Variants in ARPIN observed in about 807,000 individuals in gnomAD.
ARPIN encodes the protein actin related protein 2/3 complex inhibitor, also known as UPF0552 protein C15orf38.
ARPIN carries 23 observed loss-of-function variants against 25.9 expected under a neutral mutation model. The ratio of observed to expected loss-of-function variants is 0.89; its 90% CI spans 0.64 to 1.26. The LOEUF is 1.26. Among genes scored for constraint, ARPIN ranks in the 50% most tolerant of loss-of-function variants. ARPIN has a pLI of 0.00. For synonymous variants in ARPIN, 126 were observed against 131.4 expected, an observed-to-expected ratio of 0.96 and a Z score of 0.28; for missense variants, 333 against 312.2, an observed-to-expected ratio of 1.07 and a Z score of -0.50.
intron 2 of ARPIN, among the ~76,000 whole-genome samples, chr15:89,908,813 C>T (rs751042580): frequency 5.3e-5 from 8 of 152,018 alleles, no homozygotes; most frequent in Admixed American, 1.3e-4. Flanking sequence ...GAAACCCTGT[C>T]TCCATCAAAA....
chr15:89,901,128 GA>G lies in ARPIN; in HGVS notation c.*666del. 1 of 152,366 alleles carries G rather than the reference GA, an allele frequency of 6.6e-6. No homozygotes were observed. The highest frequency in any genetic ancestry group is 1.9e-4 in the East Asian group (1 of 5,204). 9.4% of individuals were successfully genotyped at this position (152,366 alleles called of 1,614,324 possible). On this transcript the variant is annotated 3_prime_UTR_variant, in exon 6 of 6. Coordinates refer to ENST00000357484, the MANE Select transcript of ARPIN (RefSeq NM_182616.4). ...AAGAACTGGCAACTCAAGGTAGGGGGAAGGTACAAGGGACACGGAGGCTTGA... is the reference window on the plus strand; with the variant it reads ...AAGAACTGGCAACTCAAGGTAGGGGGAGGTACAAGGGACACGGAGGCTTGA...
rs932567134 is a variant in ARPIN, at chr15:89,901,715, G to T, written c.*80C>A. Reference sequence around the variant, plus strand: ...AAGACTTGGCAGACTGTTCTCTCCAGCTCCAGAGTAGAAGTTCATGGAAGA... The same window carrying T: ...AAGACTTGGCAGACTGTTCTCTCCATCTCCAGAGTAGAAGTTCATGGAAGA... On this transcript the variant is annotated 3_prime_UTR_variant, in exon 6 of 6. Coordinates refer to ENST00000357484, the MANE Select transcript of ARPIN (RefSeq NM_182616.4). 2.6e-6 allele frequency: 4 copies of T among 1,528,120 alleles called. No homozygotes were observed. Among genetic ancestry groups the T allele is most frequent in the Non-Finnish European group, 3.6e-6 (4 of 1,103,826 alleles). The allele number at this position is 1,528,120 out of a possible 1,614,324, so 94.7% of individuals were successfully genotyped here. A position where few individuals can be genotyped will look rare whatever the true frequency, so the allele number is the denominator to read the frequency against.
Position 89,901,517 on chromosome 15 carries a change from T to C in ARPIN, c.*278A>G, listed in dbSNP as rs1371255091. The C allele has an allele frequency of 2.3e-6, 1 of 443,018 alleles. No individual in the cohort carries two copies. The highest frequency in any genetic ancestry group is 4.1e-5 in the East Asian group (1 of 24,228). The allele number at this position is 443,018 out of a possible 1,614,324, so 27.4% of individuals were successfully genotyped here. On this transcript the variant is annotated 3_prime_UTR_variant, in exon 6 of 6. Transcript: ENST00000357484. ...AACATAGTGAGACCTCCATCTCTAA[T>C]TTTTTTTTAAAGGGTCATCATGTAA...
chr15:89,904,491 G>A (rs566286946), intron 3 of ARPIN, among the ~76,000 whole-genome samples: 160 of 152,274 alleles, frequency 1.1e-3, no homozygotes, highest in Non-Finnish European at 2.0e-3. Context: ...GCCAGGCAGG[G>A]TTCTCTCCAG....
At chr15:89,907,943 G>C (rs531972272) in intron 3 of ARPIN, among the ~76,000 whole-genome samples, 2 of 152,362 alleles carry the variant, frequency 1.3e-5, no homozygotes, top group African/African-American at 4.8e-5. Flanking sequence ...AAGAGGATTT[G>C]GGCAGTAAAA....
At position 89,901,798 on chromosome 15, in the gene ARPIN, G is replaced by C. The variant is rs767032094; in HGVS notation, c.678C>G (p.Asp226Glu). Residue 226 changes from aspartate (D) to glutamate (E), a missense_variant, in exon 6 of 6, where the codon GAC becomes GAG. Transcript: ENST00000357484. ...GDGAEDEEWDD is the reference protein window; with the variant it reads ...GDGAEDEEWDE ...CCCCCAGAGGCAGCCACGTCCCTCA[G>C]TCATCCTAGAGAAATCCAAGGGGTA... 6.2e-7 allele frequency: 1 copy of C among 1,613,988 alleles called. No individual in the cohort carries two copies. The highest frequency in any genetic ancestry group is 2.2e-5 in the East Asian group (1 of 44,874).
At chr15:89,904,954 A>G (rs551581674) in intron 3 of ARPIN, among the ~76,000 whole-genome samples, 14 of 150,192 alleles carry the variant, frequency 9.3e-5, no homozygotes, top group South Asian at 2.1e-4. Flanking sequence ...AGAGCATCTC[A>G]CTTTCTTTGC....
chr15:89,911,895 C>T (rs965756346), intron 1 of ARPIN, among the ~76,000 whole-genome samples: 3 of 152,186 alleles, frequency 2.0e-5, no homozygotes, highest in African/African-American at 7.2e-5. Context: ...GGCACAATCT[C>T]GGCTCACTGC....
intron 3 of ARPIN, among the ~76,000 whole-genome samples, chr15:89,905,821 C>T (rs1897110448): frequency 6.6e-6 from 1 of 152,078 alleles, no homozygotes; most frequent in Non-Finnish European, 1.5e-5. Context: ...ACTGGGTCCA[C>T]TTCCATAGCT....
intron 3 of ARPIN, among the ~76,000 whole-genome samples, chr15:89,907,144 C>G (rs1372804758): frequency 2.0e-5 from 3 of 151,674 alleles, no homozygotes; most frequent in African/African-American, 4.8e-5. Context: ...TCTCGGCTCA[C>G]TGCACCTCCA....
rs1897052289 is a variant in ARPIN at position 89,903,205 on chromosome 15, C to A, written c.672+11G>T. 5 of 1,614,220 alleles carry A rather than the reference C, an allele frequency of 3.1e-6. No individual in the cohort carries two copies. The highest frequency in any genetic ancestry group is 4.2e-6 in the Non-Finnish European group (5 of 1,180,046). On this transcript the variant is annotated intron_variant, in intron 5 of 5. Coordinates refer to ENST00000357484, the MANE Select transcript of ARPIN (RefSeq NM_182616.4). ...CCAGGAGATACAACTGCACCAACAC[C>A]AGGTACCTACCCACTCCTCGTCCTC...
chr15:89,910,707 C>CAGTGCCCTCTAGCT, intron 2 of ARPIN, 37 bp downstream of exon 2: 1 of 1,613,502 alleles, frequency 6.2e-7, no homozygotes, highest in South Asian at 1.1e-5. Flanking sequence ...ACCGTGAAGT[C>CAGTGCCCTCTAGCT]AGTGCCCTCT....
In ARPIN at chr15:89,903,895, C is replaced by G. The variant is rs200799716; in HGVS notation, c.390G>C (p.Glu130Asp). The part of the protein sequence containing the change: ...VNKPELLALT[E>D]SLTPDHTVAF... ...CCACTGTGTGGTCGGGGGTGAGGCT[C>G]TCTGTCAGCGCGAGCAGCTCTGGCT... is the stretch of plus-strand genomic sequence containing the variant. Residue 130 changes from glutamate to aspartate, a missense_variant, in exon 4 of 6, where the codon GAG (glutamate) becomes GAC (aspartate). Glu to Asp is a conservative substitution (Grantham distance 45, BLOSUM62 2). Coordinates refer to ENST00000357484, the MANE Select transcript of ARPIN (RefSeq NM_182616.4). 204 of 1,613,790 alleles carry G rather than the reference C, an allele frequency of 1.3e-4. No homozygotes were observed. Among genetic ancestry groups the G allele is most frequent in the Non-Finnish European group, 1.5e-4 (173 of 1,180,050 alleles).
At position 89,901,717 on chromosome 15, in the gene ARPIN, T is replaced by G. The variant is rs1897024104; in HGVS notation, c.*78A>C. On this transcript the variant is annotated 3_prime_UTR_variant, in exon 6 of 6. Transcript: ENST00000357484. ...GACTTGGCAGACTGTTCTCTCCAGC[T>G]CCAGAGTAGAAGTTCATGGAAGAAA... is the stretch of plus-strand genomic sequence containing the variant. 1 of 1,538,724 alleles carries G rather than the reference T, an allele frequency of 6.5e-7. No homozygotes were observed. Among genetic ancestry groups the G allele is most frequent in the African/African-American group, 1.4e-5 (1 of 73,284 alleles).
At chr15:89,910,952 G>T in intron 1 of ARPIN, 133 bp from the exon 2 acceptor site, 2 of 1,102,110 alleles carry the variant, frequency 1.8e-6, no homozygotes, top group Non-Finnish European at 2.6e-6. Flanking sequence ...CCGACATAGG[G>T]ATCTCCAAAG....
chr15:89,903,648 A>T, intron 4 of ARPIN, 129 bp downstream of exon 4: 1 of 1,458,506 alleles, frequency 6.9e-7, no homozygotes, highest in Non-Finnish European at 9.2e-7. Flanking sequence ...AGTAAATCTC[A>T]AGGGCTTGGT....
At chr15:89,911,086 T>C (rs750337471) in intron 1 of ARPIN, among the ~76,000 whole-genome samples, 2 of 152,198 alleles carry the variant, frequency 1.3e-5, no homozygotes, top group African/African-American at 2.4e-5. Context: ...CTCAGTCTTA[T>C]CTACAAAATG....
chr15:89,910,306 A>G (rs1212089531), intron 2 of ARPIN, among the ~76,000 whole-genome samples: 2 of 152,168 alleles, frequency 1.3e-5, no homozygotes, highest in African/African-American at 4.8e-5. Flanking sequence ...GACACAGGCT[A>G]GTACTGGATG....
chr15:89,910,670 C>A (rs1308641102), intron 2 of ARPIN, 74 bp downstream of exon 2: 1 of 1,593,296 alleles, frequency 6.3e-7, no homozygotes, highest in Non-Finnish European at 8.6e-7. Context: ...AAGGACCCAG[C>A]ACAAGGAGAT....
Sources: gnomAD v4.1 joint callset for allele counts (sites outside exome capture counted in the v4.1 genomes callset) on GRCh38, gnomAD v4.1.1 for gene constraint, MANE v1.5 for transcripts, NCBI Gene and HGNC (gene_info 2026-07-23, HGNC 2026-07-21) for gene names.